The following HIVEP3 variants were observed in gnomAD, a reference collection of about 807,000 sequenced individuals.
The protein encoded by HIVEP3 is transcription factor HIVEP3.
In HIVEP3, 49 loss-of-function variants were observed where a neutral mutation model predicts 152.8. The ratio of observed to expected loss-of-function variants is 0.32; its 90% CI spans 0.26 to 0.41. The LOEUF is 0.41. Among genes scored for constraint, HIVEP3 ranks in the 10% least tolerant of loss-of-function variants. The probability of loss-of-function intolerance (pLI) is 1.00; values close to 1 mark genes in which losing one functional copy is unlikely to be tolerated. For synonymous variants in HIVEP3, 1,269 were observed against 1,289.0 expected (o/e 0.98, Z 0.33); for missense variants, 2,790 against 3,103.3 (o/e 0.90, Z 2.40).
chr1:41,524,664 C>T (rs1216906144), intron 6 of HIVEP3, 71 bp downstream of exon 6: 32 of 1,433,264 alleles, frequency 2.2e-5, no homozygotes, highest in Non-Finnish European at 3.0e-5. Context: ...CACCTGAACT[C>T]TGTGCTGGGA....
chr1:41,637,377 C>T (rs1200778039), intron 2 of HIVEP3, among the ~76,000 whole-genome samples: 1 of 152,190 alleles, frequency 6.6e-6, no homozygotes, highest in Non-Finnish European at 1.5e-5. Context: ...TTCATTGTGG[C>T]TTTGTCTATG....
chr1:41,631,443 A>G (rs1645193355), intron 2 of HIVEP3, among the ~76,000 whole-genome samples: 1 of 152,046 alleles, frequency 6.6e-6, no homozygotes, highest in Non-Finnish European at 1.5e-5. Context: ...GGAACCCAAT[A>G]ATCTGGGTCT....
chr1:41,884,408 T>A (rs148322227), intron 1 of HIVEP3, among the ~76,000 whole-genome samples: 1 of 152,190 alleles, frequency 6.6e-6, no homozygotes, highest in African/African-American at 2.4e-5. Flanking sequence ...CCTGGGAGGA[T>A]GGGCAGGCAT....
intron 3 of HIVEP3, among the ~76,000 whole-genome samples, chr1:41,604,254 C>CA (rs1325552238): frequency 2.0e-5 from 3 of 151,752 alleles, no homozygotes; most frequent in Non-Finnish European, 2.9e-5. Flanking sequence ...TCATGATAGC[C>CA]AAAAAAACTG....
At chr1:41,701,033 G>A (rs1396723085) in intron 1 of HIVEP3, 38 bp from the exon 2 acceptor site, 6 of 911,926 alleles carry the variant, frequency 6.6e-6, no homozygotes, top group East Asian at 1.2e-4. Context: ...TTATGCCACC[G>A]CCATCTGTCA....
chr1:41,649,746 G>A (rs1456896257), intron 2 of HIVEP3, among the ~76,000 whole-genome samples: 6 of 152,114 alleles, frequency 3.9e-5, no homozygotes, highest in Admixed American at 3.9e-4. Flanking sequence ...GAGTCCCCTG[G>A]GGATGAGTTC....
chr1:41,716,338 G>A (rs540054060), intron 1 of HIVEP3, among the ~76,000 whole-genome samples: 24 of 152,282 alleles, frequency 1.6e-4, no homozygotes, highest in African/African-American at 5.1e-4. Flanking sequence ...TTTACAAGGC[G>A]TGGCCATGTC....
intron 5 of HIVEP3, among the ~76,000 whole-genome samples, chr1:41,537,057 T>A (rs941140676): frequency 6.6e-6 from 1 of 152,198 alleles, no homozygotes; most frequent in African/African-American, 2.4e-5. Context: ...CCCAAGGTCA[T>A]ATAGCTAGTC....
intron 2 of HIVEP3, among the ~76,000 whole-genome samples, chr1:41,644,535 C>T (rs773799184): frequency 1.6e-4 from 25 of 152,068 alleles, no homozygotes; most frequent in Admixed American, 1.4e-3. Flanking sequence ...ACAGAGAGAA[C>T]GATGTGTCTT....
At chr1:42,016,717 C>A (rs907802191) in intron 1 of HIVEP3, among the ~76,000 whole-genome samples, 1 of 152,148 alleles carries the variant, frequency 6.6e-6, no homozygotes, top group Non-Finnish European at 1.5e-5. Context: ...TATCTCCTGG[C>A]CATATGACTT....
chr1:41,531,625 T>G, intron 5 of HIVEP3, among the ~76,000 whole-genome samples: 2 of 16,594 alleles, frequency 1.2e-4, no homozygotes, highest in Non-Finnish European at 2.3e-4. Flanking sequence ...ACAGGAGAGA[T>G]GGAAGACGGG....
intron 5 of HIVEP3, among the ~76,000 whole-genome samples, chr1:41,535,151 C>T (rs1040406890): frequency 3.3e-5 from 5 of 152,136 alleles, no homozygotes; most frequent in Non-Finnish European, 7.4e-5. Context: ...ACCCTGTTCC[C>T]GCACATCATC....
intron 1 of HIVEP3, among the ~76,000 whole-genome samples, chr1:41,738,909 C>G (rs1375643796): frequency 2.0e-5 from 3 of 152,214 alleles, no homozygotes; most frequent in Admixed American, 2.0e-4. Flanking sequence ...AGGGTAGATT[C>G]TAAAATCTTT....
At chr1:41,565,017 C>G (rs1241053404) in intron 5 of HIVEP3, among the ~76,000 whole-genome samples, 1 of 152,204 alleles carries the variant, frequency 6.6e-6, no homozygotes, top group Non-Finnish European at 1.5e-5. Context: ...TCAGGTGCTG[C>G]TGAACATCTC....
At chr1:42,010,105 G>C (rs551142575) in intron 1 of HIVEP3, among the ~76,000 whole-genome samples, 7 of 152,170 alleles carry the variant, frequency 4.6e-5, no homozygotes, top group African/African-American at 1.7e-4. Context: ...ATGTTGCCCA[G>C]GCTGGTCTCA....
chr1:41,846,586 G>A (rs1487775829), intron 1 of HIVEP3, among the ~76,000 whole-genome samples: 1 of 152,252 alleles, frequency 6.6e-6, no homozygotes, highest in Non-Finnish European at 1.5e-5. Flanking sequence ...GAATGGGCCA[G>A]AGGATTATGT....
intron 1 of HIVEP3, among the ~76,000 whole-genome samples, chr1:41,705,920 A>T (rs1015380956): frequency 1.3e-5 from 2 of 152,256 alleles, no homozygotes; most frequent in Non-Finnish European, 2.9e-5. Flanking sequence ...ACTAGGGTAC[A>T]GCTATATCAA....
At chr1:41,927,491 A>C (rs1219648425) in intron 1 of HIVEP3, among the ~76,000 whole-genome samples, 2 of 152,234 alleles carry the variant, frequency 1.3e-5, no homozygotes, top group African/African-American at 4.8e-5. Flanking sequence ...TATTACATTC[A>C]CCTAGGGTAA....
chr1:41,850,527 C>T (rs1040566986), intron 1 of HIVEP3, among the ~76,000 whole-genome samples: 4 of 152,166 alleles, frequency 2.6e-5, no homozygotes, highest in South Asian at 2.1e-4. Flanking sequence ...CTCTCAAAAT[C>T]GCAAACGTGG....
Sources: allele counts gnomAD v4.1 joint callset (sites outside exome capture counted in the v4.1 genomes callset), GRCh38; gene constraint gnomAD v4.1.1; transcripts MANE v1.5; gene names NCBI Gene and HGNC (gene_info 2026-07-23, HGNC 2026-07-21).